Variants in PLEKHA7 observed in about 807,000 individuals in gnomAD.
PLEKHA7 encodes the protein pleckstrin homology domain-containing family A member 7.
In PLEKHA7, 104 loss-of-function variants were observed where a neutral mutation model predicts 170.0. The ratio of observed to expected loss-of-function variants is 0.61; its 90% CI spans 0.52 to 0.72. The LOEUF (loss-of-function observed/expected upper bound fraction) is 0.72. PLEKHA7 is among the 30% of genes least tolerant of loss of function. PLEKHA7 has a pLI of 0.00. For missense variants in PLEKHA7, 1,615 were observed against 1,671.7 expected (o/e 0.97, Z 0.59); for synonymous variants, 648 against 660.8 (o/e 0.98, Z 0.30).
chr11:16,854,850 G>A (rs200169638), intron 6 of PLEKHA7, 39 bp downstream of exon 6: 70 of 1,563,018 alleles, frequency 4.5e-5, no homozygotes, highest in Admixed American at 1.3e-4. Flanking sequence ...CTCAGCCAGA[G>A]CCATTTCCTC....
intron 9 of PLEKHA7, among the ~76,000 whole-genome samples, chr11:16,838,813 A>G (rs1225934468): frequency 6.8e-6 from 1 of 146,540 alleles, no homozygotes; most frequent in Non-Finnish European, 1.5e-5. Context: ...CAGCCTCCCG[A>G]GTAGCTGGGA....
chr11:16,904,026 A>G (rs1342541234), intron 3 of PLEKHA7, among the ~76,000 whole-genome samples: 2 of 152,182 alleles, frequency 1.3e-5, no homozygotes, highest in African/African-American at 4.8e-5. Context: ...TTTCCCTCAG[A>G]TCTTTCACAG....
chr11:16,804,882 T>C (rs547169197), intron 13 of PLEKHA7, among the ~76,000 whole-genome samples: 51 of 150,492 alleles, frequency 3.4e-4, no homozygotes, highest in Non-Finnish European at 6.2e-4. Context: ...TGCTGTCTCC[T>C]GCAATGCGGG....
intron 3 of PLEKHA7, among the ~76,000 whole-genome samples, chr11:16,990,044 G>A (rs1164455358): frequency 6.6e-6 from 1 of 151,988 alleles, no homozygotes; most frequent in Non-Finnish European, 1.5e-5. Flanking sequence ...ACTCAGATAA[G>A]CATTGGCTGG....
chr11:16,789,705 GT>G lies in PLEKHA7; in HGVS notation c.3156+69del. On this transcript the variant is annotated intron_variant, in intron 22 of 26. Transcript: ENST00000531066. The surrounding 1 kb of genome is among the most constrained non-coding windows in gnomAD (Gnocchi z 4.6). ...AGGGCTGAAGGGATGGCCAGTTACT[GT>G]CCCCCTGGGAGACCCTCCCTCCCCA... 1 of 1,388,840 alleles carries G rather than the reference GT, an allele frequency of 7.2e-7. No homozygotes were observed. The highest frequency in any genetic ancestry group is 1.0e-6 in the Non-Finnish European group (1 of 991,610). 86.0% of individuals were successfully genotyped at this position (1,388,840 alleles called of 1,614,324 possible).
At chr11:16,953,002 A>G (rs1310330553) in intron 3 of PLEKHA7, among the ~76,000 whole-genome samples, 2 of 152,286 alleles carry the variant, frequency 1.3e-5, no homozygotes, top group African/African-American at 2.4e-5. Flanking sequence ...TGACACTACA[A>G]TAATTCTGAG....
At chr11:17,000,652 G>A (rs1345207274) in intron 3 of PLEKHA7, among the ~76,000 whole-genome samples, 1 of 152,186 alleles carries the variant, frequency 6.6e-6, no homozygotes, top group African/African-American at 2.4e-5. Context: ...AGGAGTAGTA[G>A]TGATAATGGC....
At chr11:16,946,396 C>A (rs1861033101) in intron 3 of PLEKHA7, among the ~76,000 whole-genome samples, 1 of 152,194 alleles carries the variant, frequency 6.6e-6, no homozygotes, top group African/African-American at 2.4e-5. Flanking sequence ...ACCCTCCTTT[C>A]TCACTCCCTA....
In PLEKHA7 at chr11:16,829,178, T is replaced by TA. The variant is rs763333734; in HGVS notation, c.873-2589dup. 6.5e-3 allele frequency among the ~76,000 whole-genome samples: 919 copies of TA among 141,744 alleles called. 10 individuals are homozygous for TA. Among genetic ancestry groups the TA allele is most frequent in the African/African-American group, 0.015 (574 of 38,940 alleles). The allele number at this position is 141,744 out of a possible 152,430, so 93.0% of individuals were successfully genotyped here. A position where few individuals can be genotyped will look rare whatever the true frequency, so the allele number is the denominator to read the frequency against. On this transcript the variant is annotated intron_variant, in intron 9 of 26. Transcript: ENST00000531066. The stretch of plus-strand genomic sequence containing the variant: ...GCATGTTTTAATTAGCTCTGCTAAT[T>TA]AAAAAAAAAAAAAATCTGTAGAGAC...
chr11:17,009,841 C>G lies in PLEKHA7; in HGVS notation c.221+4148G>C, dbSNP rs531483271. Among the ~76,000 whole-genome samples, 72 of 152,100 alleles carry G rather than the reference C, an allele frequency of 4.7e-4. 1 individual carries two copies. The South Asian group carries it at 0.012, about 26-fold the overall frequency. ...ATGAGGCCTCTCCGTGTTGCCCAGG[C>G]TGATCTTGAACTCCTGGCCTCAAGT... On this transcript the variant is annotated intron_variant, in intron 3 of 26. Transcript: ENST00000531066.
At position 16,777,965 on chromosome 11, in the gene PLEKHA7, G is replaced by A. The variant is rs2134090104; in HGVS notation, c.*1033C>T. 1 of 152,368 alleles carries A rather than the reference G, an allele frequency of 6.6e-6. No individual in the cohort carries two copies. The highest frequency in any genetic ancestry group is 6.5e-5 in the Admixed American group (1 of 15,312). The allele number at this position is 152,368 out of a possible 1,614,324, so 9.4% of individuals were successfully genotyped here. On this transcript the variant is annotated 3_prime_UTR_variant, in exon 27 of 27. Coordinates refer to ENST00000531066, the MANE Select transcript of PLEKHA7 (RefSeq NM_001329630.2). ...CCTCTCACCTTTTCTGTATTTCAAT[G>A]TGTACTGTTAAAAATGAAAGCAGGC... is the stretch of plus-strand genomic sequence containing the variant.
In PLEKHA7 at chr11:16,789,194, G is replaced by C; in HGVS notation, c.3259C>G (p.Leu1087Val). ...LERMKRHQKA[L>V]VRERKRTLGQ... is the part of the protein sequence containing the mutation. ...AGTGTCCTCTTGCGCTCTCGGACCA[G>C]GGCCTTCTGGTGTCGCTTCATGCGC... Residue 1087 changes from leucine (L) to valine (V), a missense_variant, in exon 23 of 27, where the codon CTG becomes GTG. Coordinates refer to ENST00000531066, the MANE Select transcript of PLEKHA7 (RefSeq NM_001329630.2). This position sits in a 1 kb window ranked among gnomAD's most constrained non-coding sequence, Gnocchi z 4.6. 6.2e-7 allele frequency: 1 copy of C among 1,613,292 alleles called. No homozygotes were observed. Among genetic ancestry groups the C allele is most frequent in the Non-Finnish European group, 8.5e-7 (1 of 1,180,054 alleles).
chr11:16,988,282 A>C lies in PLEKHA7; in HGVS notation c.221+25707T>G, dbSNP rs536181053. On this transcript the variant is annotated intron_variant, in intron 3 of 26. Coordinates refer to ENST00000531066, the MANE Select transcript of PLEKHA7 (RefSeq NM_001329630.2). ...TGAGAAGATCTGGGCTTGGAGAGAG[A>C]TGCAATCTAAACCTCTCCTTAGGGC... 3.7e-4 allele frequency among the ~76,000 whole-genome samples: 56 copies of C among 152,294 alleles called. No individual in the cohort carries two copies. The South Asian group carries it at 0.011, about 30-fold the overall frequency.
chr11:16,957,944 C>CGG, intron 3 of PLEKHA7, among the ~76,000 whole-genome samples: 1 of 151,924 alleles, frequency 6.6e-6, no homozygotes, highest in Admixed American at 6.5e-5. Flanking sequence ...ACCTCGTGAT[C>CGG]GGCCCACCTC....
At chr11:16,969,116 T>C (rs1862557868) in intron 3 of PLEKHA7, among the ~76,000 whole-genome samples, 1 of 152,092 alleles carries the variant, frequency 6.6e-6, no homozygotes, top group Non-Finnish European at 1.5e-5. Context: ...TCTGGCTCTT[T>C]TGATGCAACT....
In PLEKHA7 at chr11:16,855,795, G is replaced by T; in HGVS notation, c.417+8C>A. 1 of 1,585,668 alleles carries T rather than the reference G, an allele frequency of 6.3e-7. No homozygotes were observed. Among genetic ancestry groups the T allele is most frequent in the Non-Finnish European group, 8.6e-7 (1 of 1,157,692 alleles). On this transcript the variant is annotated splice_region_variant and intron_variant, in intron 5 of 26. Coordinates refer to ENST00000531066, the MANE Select transcript of PLEKHA7 (RefSeq NM_001329630.2). ...AGGGAAGGAAGGAACAAGTGGCCAG[G>T]AGCTCACCTTGGGTCCAGGCTTGGC...
intron 13 of PLEKHA7, among the ~76,000 whole-genome samples, chr11:16,810,876 G>A (rs1369170652): frequency 6.6e-6 from 1 of 152,204 alleles, no homozygotes; most frequent in Non-Finnish European, 1.5e-5. Flanking sequence ...CCCGCTAGCT[G>A]CTGTGTAGGC....
At position 16,801,032 on chromosome 11, in the gene PLEKHA7, T is replaced by C; in HGVS notation, c.2351A>G (p.Asp784Gly). The change falls in exon 17 of 27, where the codon GAT (aspartate) becomes GGT (glycine). Residue 784 changes from aspartate to glycine, a missense_variant. Coordinates refer to ENST00000531066, the MANE Select transcript of PLEKHA7 (RefSeq NM_001329630.2). ...CAGGGTCTGCTTCAGCTGTTCCACA[T>C]CATTCTCCAACTTCAGGTATTCGTT... ...AWNEYLKLEN[D>G]VEQLKQTLQE... The C allele has an allele frequency of 6.2e-7, 1 of 1,614,252 alleles. No individual in the cohort carries two copies. Among genetic ancestry groups the C allele is most frequent in the Non-Finnish European group, 8.5e-7 (1 of 1,180,052 alleles).
intron 3 of PLEKHA7, among the ~76,000 whole-genome samples, chr11:16,888,106 C>G (rs951117243): frequency 6.7e-5 from 10 of 149,498 alleles, no homozygotes; most frequent in African/African-American, 2.2e-4. Flanking sequence ...AGTGAGGAGC[C>G]CCTCCGCCTG....
Sources: allele counts gnomAD v4.1 joint callset (sites outside exome capture counted in the v4.1 genomes callset), GRCh38; gene constraint gnomAD v4.1.1; non-coding constraint Gnocchi (gnomAD v3.1); transcripts MANE v1.5; gene names NCBI Gene and HGNC (gene_info 2026-07-23, HGNC 2026-07-21).